Variants in CHL1 observed in about 807,000 individuals in gnomAD.
CHL1 encodes the protein neural cell adhesion molecule L1-like protein.
Under a neutral mutation model 141.9 loss-of-function variants are expected in CHL1, and 96 were observed. The observed-to-expected ratio is 0.68, with a 90% confidence interval of 0.57 to 0.80. CHL1 has a LOEUF of 0.80. Among genes scored for constraint, CHL1 ranks in the 30% least tolerant of loss-of-function variants. CHL1 has a pLI of 0.00. For synonymous variants in CHL1, 613 were observed against 502.2 expected (o/e 1.22, Z -2.95); for missense variants, 1,820 against 1,457.2 (o/e 1.25, Z -4.05).
At chr3:398,167 T>G in intron 24 of CHL1, 60 bp from the exon 25 acceptor site, 1 of 1,210,236 alleles carries the variant, frequency 8.3e-7, no homozygotes, top group Non-Finnish European at 1.1e-6. Context: ...AACAATATTT[T>G]TTTATGTCCT....
intron 1 of CHL1, among the ~76,000 whole-genome samples, chr3:238,770 C>CAAAA (rs145162673): frequency 1.4e-3 from 209 of 145,504 alleles, no homozygotes; most frequent in African/African-American, 5.1e-3. Flanking sequence ...ACTAAAAATA[C>CAAAA]AAAAAAAAAA....
chr3:276,610 CT>C (rs1232913424), intron 2 of CHL1, among the ~76,000 whole-genome samples: 7 of 152,058 alleles, frequency 4.6e-5, no homozygotes, highest in Non-Finnish European at 1.0e-4. Context: ...GGCTCTGGGG[CT>C]GGGCACGGTG....
At chr3:218,942 C>G (rs905497817) in intron 1 of CHL1, among the ~76,000 whole-genome samples, 1 of 151,980 alleles carries the variant, frequency 6.6e-6, no homozygotes, top group Non-Finnish European at 1.5e-5. Flanking sequence ...GTCAGGAGAT[C>G]GAGACCGTCC....
At position 382,531 on chromosome 3, in the gene CHL1, C is replaced by G. The variant is rs757110403; in HGVS notation, c.2036C>G (p.Thr679Ser). Reference sequence around the variant, plus strand: ...GAGCCTGGAAGGTGGGAGGAACTGACCAGAGTCCAAGGAAAGAAAACCACA... The same window carrying G: ...GAGCCTGGAAGGTGGGAGGAACTGAGCAGAGTCCAAGGAAAGAAAACCACA... ...KEEPGRWEEL[T>S]RVQGKKTTVI... Residue 679 changes from threonine to serine, a missense_variant, in exon 18 of 28, where the codon ACC becomes AGC. By Grantham distance (58) the Thr-to-Ser change is moderately conservative. Transcript: ENST00000256509. 6.2e-7 allele frequency: 1 copy of G among 1,613,766 alleles called. No homozygotes were observed. The highest frequency in any genetic ancestry group is 2.2e-5 in the East Asian group (1 of 44,864).
chr3:319,859 C>T lies in CHL1; in HGVS notation c.83C>T (p.Pro28Leu), dbSNP rs776609454. The T allele has an allele frequency of 2.5e-6, 4 of 1,571,154 alleles. No individual in the cohort carries two copies. Among genetic ancestry groups the T allele is most frequent in the African/African-American group, 1.4e-5 (1 of 73,380 alleles). The change falls in exon 3 of 28, where the codon CCA (proline) becomes CTA (leucine). Residue 28 changes from proline to leucine, a missense_variant. Coordinates refer to ENST00000256509, the MANE Select transcript of CHL1 (RefSeq NM_006614.4). ...LLKFSKAIEI[P>L]SSVQQVPTII... The stretch of plus-strand genomic sequence containing the variant: ...AAATTCTCAAAAGCAATTGAAATAC[C>T]ATCTTCAGGTAAAGTTAAAACATTC...
intron 1 of CHL1, among the ~76,000 whole-genome samples, chr3:226,119 C>G (rs1259645103): frequency 6.6e-6 from 1 of 150,654 alleles, no homozygotes; most frequent in Non-Finnish European, 1.5e-5. Context: ...CCGTCAGGTT[C>G]AAGTGATTCT....
chr3:348,958 A>C (rs1244321952), intron 9 of CHL1, among the ~76,000 whole-genome samples: 1 of 152,264 alleles, frequency 6.6e-6, no homozygotes, highest in East Asian at 1.9e-4. Context: ...CAAACAGGGA[A>C]TAGGGCTGTT....
intron 9 of CHL1, among the ~76,000 whole-genome samples, chr3:346,444 G>C (rs114980093): frequency 1.3e-5 from 2 of 152,198 alleles, no homozygotes; most frequent in Non-Finnish European, 2.9e-5. Context: ...ACTGTATTGA[G>C]TTGGGCAGGG....
chr3:235,844 C>A (rs1017035230), intron 1 of CHL1, among the ~76,000 whole-genome samples: 3 of 152,156 alleles, frequency 2.0e-5, no homozygotes, highest in African/African-American at 7.2e-5. Context: ...GGTATACTAT[C>A]TTTGACAGTA....
In CHL1 at chr3:383,880, G is replaced by C; in HGVS notation, c.2241G>C (p.Lys747Asn). 1 of 1,606,176 alleles carries C rather than the reference G, an allele frequency of 6.2e-7. No homozygotes were observed. The highest frequency in any genetic ancestry group is 8.5e-7 in the Non-Finnish European group (1 of 1,174,138). ...CTCAACCCAAGGAAATGATTATAAA[G>C]TGGGAGGTGTGTATTTCTTAATACG... ...QASQPKEMII[K>N]WEPLKSMEQN... The change falls in exon 19 of 28, where the codon AAG (lysine) becomes AAC (asparagine). Residue 747 changes from lysine (K) to asparagine (N), a missense_variant. Transcript: ENST00000256509.
chr3:385,771 T>C (rs1707625120), intron 19 of CHL1: 1 of 138,398 alleles, frequency 7.2e-6, no homozygotes. Context: ...GAGGTTACAG[T>C]GAGTTGAGAT....
chr3:364,011 T>C (rs946403169), intron 14 of CHL1: 1 of 152,194 alleles, frequency 6.6e-6, no homozygotes, highest in Admixed American at 6.5e-5. Context: ...CCCAGCCTGC[T>C]TCTCACTTCC....
chr3:373,069 G>C (rs568436997), intron 15 of CHL1, among the ~76,000 whole-genome samples: 1 of 152,280 alleles, frequency 6.6e-6, no homozygotes, highest in East Asian at 1.9e-4. Flanking sequence ...CTCTTGGAGG[G>C]TCTCACCCAG....
intron 2 of CHL1, among the ~76,000 whole-genome samples, chr3:315,224 A>G (rs976497823): frequency 3.3e-5 from 5 of 152,180 alleles, no homozygotes; most frequent in African/African-American, 1.2e-4. Flanking sequence ...TGTGCTATAC[A>G]GCAGCAACTA....
chr3:384,550 AT>A (rs1329531928), intron 19 of CHL1: 3 of 152,186 alleles, frequency 2.0e-5, no homozygotes, highest in Non-Finnish European at 2.9e-5. Context: ...TTGCATAAAA[AT>A]GCCCATCTAC....
intron 1 of CHL1, among the ~76,000 whole-genome samples, chr3:234,570 TG>T (rs1280279071): frequency 6.6e-6 from 1 of 152,092 alleles, no homozygotes; most frequent in African/African-American, 2.4e-5. Flanking sequence ...GTTTAGCTCT[TG>T]GTTTGCTTTG....
rs77514614 is a variant in CHL1, at chr3:275,104, C to T, written c.-95+30412C>T. On this transcript the variant is annotated intron_variant, in intron 2 of 27. Coordinates refer to ENST00000256509, the MANE Select transcript of CHL1 (RefSeq NM_006614.4). ...GTTGAAACTTCATTCTTGAAACAGC[C>T]TGTGGGTTAGGGATATTCTACCTAT... 5.2e-3 allele frequency among the ~76,000 whole-genome samples: 790 copies of T among 152,308 alleles called. 9 individuals carry two copies. Among genetic ancestry groups the T allele is most frequent in the African/African-American group, 0.018 (763 of 41,564 alleles).
intron 1 of CHL1, among the ~76,000 whole-genome samples, chr3:212,670 C>G (rs1431205295): frequency 6.6e-6 from 1 of 152,190 alleles, no homozygotes; most frequent in African/African-American, 2.4e-5. Context: ...ATTTCGTTTC[C>G]ACTTTCAGCT....
rs181578605 is a variant in CHL1, at chr3:338,876, G to T, written c.386-1918G>T. 2.0e-5 allele frequency among the ~76,000 whole-genome samples: 3 copies of T among 152,290 alleles called. No homozygotes were observed. In the East Asian group the frequency reaches 5.8e-4, roughly 29 times the overall value. ...CAAGGATGATAATGCTTCAGTGGCAGTACTATCTGTTCGAATTGCTAGGTT... is the reference window on the plus strand; with the variant it reads ...CAAGGATGATAATGCTTCAGTGGCATTACTATCTGTTCGAATTGCTAGGTT... On this transcript the variant is annotated intron_variant, in intron 5 of 27. Coordinates refer to ENST00000256509, the MANE Select transcript of CHL1 (RefSeq NM_006614.4).
Sources: allele counts gnomAD v4.1 joint callset (sites outside exome capture counted in the v4.1 genomes callset), GRCh38; gene constraint gnomAD v4.1.1; transcripts MANE v1.5; gene names NCBI Gene and HGNC (gene_info 2026-07-23, HGNC 2026-07-21).